The following GOLGA3 variants were observed in gnomAD, a reference collection of about 807,000 sequenced individuals.
GOLGA3 encodes the protein golgin subfamily A member 3.
A neutral mutation model predicts 169.4 loss-of-function variants in GOLGA3; 75 were observed. The observed-to-expected ratio is 0.44, with a 90% CI of 0.37 to 0.54. The LOEUF (loss-of-function observed/expected upper bound fraction) is 0.54. Ranked by LOEUF, GOLGA3 falls within the 20% of genes least tolerant of loss-of-function variation. The pLI, the probability that GOLGA3 is intolerant of heterozygous loss-of-function variation, is 0.00. For synonymous variants in GOLGA3, 824 were observed against 822.4 expected, an observed-to-expected ratio of 1.00 and a Z score of -0.03; for missense variants, 1,899 against 1,930.0, an observed-to-expected ratio of 0.98 and a Z score of 0.30.
intron 6 of GOLGA3, among the ~76,000 whole-genome samples, chr12:132,806,053 C>T (rs1025259376): frequency 6.6e-6 from 1 of 152,164 alleles, no homozygotes; most frequent in African/African-American, 2.4e-5. Flanking sequence ...AGGAAATCGC[C>T]CCACCACCTG....
chr12:132,799,216 G>C (rs996657023), intron 8 of GOLGA3, among the ~76,000 whole-genome samples: 1 of 152,210 alleles, frequency 6.6e-6, no homozygotes, highest in African/African-American at 2.4e-5. Context: ...ACTGTGTTTC[G>C]AGACCATGAA....
chr12:132,789,493 A>G (rs2046108709), intron 12 of GOLGA3, among the ~76,000 whole-genome samples: 1 of 152,214 alleles, frequency 6.6e-6, no homozygotes, highest in East Asian at 1.9e-4. Context: ...CTGCCTGTTG[A>G]GAGACTGCGT....
chr12:132,792,162 T>G (rs1216507851), intron 11 of GOLGA3, among the ~76,000 whole-genome samples: 1 of 152,178 alleles, frequency 6.6e-6, no homozygotes, highest in African/African-American at 2.4e-5. Context: ...AAGAAGCACT[T>G]GTGTTCTGAC....
intron 21 of GOLGA3, among the ~76,000 whole-genome samples, chr12:132,776,314 A>G (rs913793273): frequency 3.5e-5 from 5 of 141,188 alleles, no homozygotes; most frequent in African/African-American, 5.3e-5. Flanking sequence ...CCTCAGATAC[A>G]GGTACCTGCA....
intron 8 of GOLGA3, among the ~76,000 whole-genome samples, chr12:132,801,064 C>G (rs771472946): frequency 1.1e-4 from 17 of 152,280 alleles, no homozygotes; most frequent in African/African-American, 2.4e-5. Flanking sequence ...TCGAGGTTCA[C>G]TCGAACCATT....
intron 10 of GOLGA3, 137 bp from the exon 11 acceptor site, chr12:132,796,357 G>A: frequency 2.4e-6 from 3 of 1,231,054 alleles, no homozygotes; most frequent in Non-Finnish European, 3.3e-6. Flanking sequence ...TGGTATAGAA[G>A]AACCAGCAGG....
Position 132,807,171 on chromosome 12 carries a change from C to G in GOLGA3, c.1290+6G>C. 2 of 1,571,598 alleles carry G rather than the reference C, an allele frequency of 1.3e-6. No individual in the cohort carries two copies. The highest frequency in any genetic ancestry group is 1.7e-6 in the Non-Finnish European group (2 of 1,147,722). On this transcript the variant is annotated splice_donor_region_variant and intron_variant, in intron 6 of 23. Coordinates refer to ENST00000450791, the MANE Select transcript of GOLGA3 (RefSeq NM_001389683.1). ...CACGCTGAGATGTCAGTCGAACGTC[C>G]GTTACCTGACTCGCCTCCAGTGACA...
At chr12:132,789,707 G>A (rs1349614369) in intron 12 of GOLGA3, among the ~76,000 whole-genome samples, 3 of 151,684 alleles carry the variant, frequency 2.0e-5, no homozygotes, top group African/African-American at 7.3e-5. Context: ...CGGGCGCGGT[G>A]GCTCACACTT....
chr12:132,785,342 A>G (rs1031951101), intron 15 of GOLGA3, among the ~76,000 whole-genome samples: 1 of 152,174 alleles, frequency 6.6e-6, no homozygotes, highest in Non-Finnish European at 1.5e-5. Flanking sequence ...CAGAGTCTCT[A>G]TCGCCCGGGC....
Position 132,821,985 on chromosome 12 carries a change from T to G in GOLGA3, c.133+11A>C. The G allele has an allele frequency of 1.9e-6, 3 of 1,588,596 alleles. No homozygotes were observed. The highest frequency in any genetic ancestry group is 2.6e-6 in the Non-Finnish European group (3 of 1,167,650). On this transcript the variant is annotated intron_variant, in intron 2 of 23. Coordinates refer to ENST00000450791, the MANE Select transcript of GOLGA3 (RefSeq NM_001389683.1). ...CCTGTGACCAGCACACAGAGGAACC[T>G]CACGACTTACACTGGACTTTGTCCT...
intron 20 of GOLGA3, 42 bp downstream of exon 20, chr12:132,776,916 C>T (rs1226067013): frequency 1.3e-6 from 2 of 1,551,034 alleles, no homozygotes; most frequent in Non-Finnish European, 1.7e-6. Context: ...CCAGGGCACC[C>T]GTGAGTCCAG....
Position 132,775,896 on chromosome 12 carries a change from G to A in GOLGA3, c.3979-591C>T, listed in dbSNP as rs114590408. On this transcript the variant is annotated intron_variant, in intron 21 of 23. Transcript: ENST00000450791. ...TCGCAAATTGGCAAACTTTTCCCACGCACCCTCCCATTTGCTGTAGTCCAT... is the reference window on the plus strand; with the variant it reads ...TCGCAAATTGGCAAACTTTTCCCACACACCCTCCCATTTGCTGTAGTCCAT... Among the ~76,000 whole-genome samples the A allele has an allele frequency of 2.1e-3, 325 of 152,344 alleles. 3 individuals carry two copies. Among genetic ancestry groups the A allele is most frequent in the African/African-American group, 7.7e-3 (320 of 41,570 alleles).
At chr12:132,806,484 C>A (rs1949409670) in intron 6 of GOLGA3, among the ~76,000 whole-genome samples, 1 of 152,196 alleles carries the variant, frequency 6.6e-6, no homozygotes, top group East Asian at 1.9e-4. Context: ...TATGAGAAAA[C>A]CATCTTCGAC....
intron 2 of GOLGA3, among the ~76,000 whole-genome samples, chr12:132,821,321 T>C (rs1778556434): frequency 6.7e-6 from 1 of 148,944 alleles, no homozygotes; most frequent in African/African-American, 2.5e-5. Flanking sequence ...GCAGAAGAAT[T>C]GCTTGAACCC....
intron 13 of GOLGA3, among the ~76,000 whole-genome samples, chr12:132,788,337 G>C (rs898415670): frequency 6.6e-6 from 1 of 152,158 alleles, no homozygotes; most frequent in African/African-American, 2.4e-5. Context: ...TTGGTCTAAC[G>C]TGCCATCAGA....
Position 132,795,904 on chromosome 12 carries a change from G to A in GOLGA3, c.2417C>T (p.Thr806Met), listed in dbSNP as rs755289303. The change falls in exon 11 of 24, where the codon ACG becomes ATG. Residue 806 changes from threonine (T) to methionine (M), a missense_variant. Physicochemically the swap from Thr to Met is moderately conservative, Grantham distance 81 (BLOSUM62 -1). Transcript: ENST00000450791. Reference sequence around the variant, plus strand: ...TCTTAACTTCTCTAAAGTTTCCGACGTTTCCTCGGTACCTTCTTCCAAGCG... The same window carrying A: ...TCTTAACTTCTCTAAAGTTTCCGACATTTCCTCGGTACCTTCTTCCAAGCG... ...ARRLEEGTEE[T>M]SETLEKLREE... 9.1e-5 allele frequency: 147 copies of A among 1,613,968 alleles called. No homozygotes were observed. The highest frequency in any genetic ancestry group is 1.1e-4 in the Non-Finnish European group (131 of 1,179,994).
chr12:132,796,816 C>T, intron 9 of GOLGA3, 116 bp from the exon 10 acceptor site: 3 of 1,021,666 alleles, frequency 2.9e-6, no homozygotes. Flanking sequence ...CATCCACCTC[C>T]TCATCCTGTC....
chr12:132,826,471 G>A (rs1950420655), intron 1 of GOLGA3, among the ~76,000 whole-genome samples: 1 of 150,790 alleles, frequency 6.6e-6, no homozygotes, highest in Non-Finnish European at 1.5e-5. Context: ...AGACGCTCAG[G>A]TTCCACCGAG....
intron 13 of GOLGA3, among the ~76,000 whole-genome samples, chr12:132,788,510 G>A (rs73157049): frequency 0.063 from 9,608 of 151,978 alleles, 445 homozygotes; most frequent in African/African-American, 0.14. Context: ...CCAGCATCTC[G>A]GACACCCACT....
Sources: allele counts gnomAD v4.1 joint callset (sites outside exome capture counted in the v4.1 genomes callset), GRCh38; gene constraint gnomAD v4.1.1; transcripts MANE v1.5; gene names NCBI Gene and HGNC (gene_info 2026-07-23, HGNC 2026-07-21).